HPSE2: variants seen among roughly 807,000 people sequenced by gnomAD.
The protein encoded by HPSE2 is heparanase 2 (inactive), also known as inactive heparanase-2.
HPSE2 carries 38 observed loss-of-function variants against 60.5 expected under a neutral mutation model. That is an observed-to-expected ratio of 0.63 (90% CI 0.48 to 0.82). HPSE2 has a LOEUF of 0.82. Among genes scored for constraint, HPSE2 ranks in the 40% least tolerant of loss-of-function variants. The probability of loss-of-function intolerance (pLI) is 0.00; values close to 1 mark genes in which losing one functional copy is unlikely to be tolerated. For missense variants in HPSE2, 713 were observed against 740.4 expected (o/e 0.96, Z 0.43); for synonymous variants, 295 against 293.2 (o/e 1.01, Z -0.06).
chr10:98,803,057 T>C (rs1158557407), intron 3 of HPSE2, among the ~76,000 whole-genome samples: 1 of 151,168 alleles, frequency 6.6e-6, no homozygotes, highest in African/African-American at 2.4e-5. Flanking sequence ...TGATTTGCAT[T>C]TCTCTGATGG....
In HPSE2 at chr10:98,537,639, T is replaced by C. The variant is rs190470334; in HGVS notation, c.1321-47443A>G. On this transcript the variant is annotated intron_variant, in intron 9 of 11. Coordinates refer to ENST00000370552, the MANE Select transcript of HPSE2 (RefSeq NM_021828.5). ...AGGTGAGCCTTCTGTCACGCCCGCA[T>C]AAGGGCCGCTTGAGGGCTCCTTGGT... Among the ~76,000 whole-genome samples, 19 of 152,338 alleles carry C rather than the reference T, an allele frequency of 1.2e-4. No individual in the cohort carries two copies. In the East Asian group the frequency reaches 3.3e-3, roughly 26 times the overall value.
intron 3 of HPSE2, among the ~76,000 whole-genome samples, chr10:98,851,599 TTTC>T (rs1952175412): frequency 6.6e-6 from 1 of 152,220 alleles, no homozygotes; most frequent in South Asian, 2.1e-4. Flanking sequence ...GTCTTCTTTC[TTTC>T]CCAGATTCCT....
intron 3 of HPSE2, among the ~76,000 whole-genome samples, chr10:98,767,215 A>C (rs1381729545): frequency 1.3e-5 from 2 of 152,186 alleles, no homozygotes; most frequent in African/African-American, 4.8e-5. Context: ...AGACAAGAAC[A>C]AGAATTTTGA....
chr10:98,758,175 T>C (rs999649083), intron 3 of HPSE2, among the ~76,000 whole-genome samples: 13 of 151,390 alleles, frequency 8.6e-5, no homozygotes, highest in Middle Eastern at 3.4e-3. Context: ...TTCCACCATA[T>C]AAAAAATCAA....
At chr10:99,026,890 T>A (rs1589538401) in intron 3 of HPSE2, among the ~76,000 whole-genome samples, 1 of 152,022 alleles carries the variant, frequency 6.6e-6, no homozygotes, top group African/African-American at 2.4e-5. Flanking sequence ...AGTAAAGAAA[T>A]TAAGAATAAA....
At chr10:98,958,473 T>C (rs978175967) in intron 3 of HPSE2, among the ~76,000 whole-genome samples, 2 of 152,172 alleles carry the variant, frequency 1.3e-5, no homozygotes, top group African/African-American at 2.4e-5. Flanking sequence ...ATGATTATTA[T>C]GCATGCTATC....
chr10:98,590,214 A>G (rs1472147542), intron 9 of HPSE2, among the ~76,000 whole-genome samples: 1 of 152,244 alleles, frequency 6.6e-6, no homozygotes, highest in Non-Finnish European at 1.5e-5. Flanking sequence ...AGGCCGAGGC[A>G]GGTGGATCAC....
chr10:99,114,384 A>T (rs770274487), intron 3 of HPSE2, among the ~76,000 whole-genome samples: 22 of 152,236 alleles, frequency 1.4e-4, no homozygotes, highest in Non-Finnish European at 3.1e-4. Context: ...AACCTCTAAG[A>T]AACTGCTTCT....
chr10:98,610,411 C>T (rs896892913), intron 9 of HPSE2, among the ~76,000 whole-genome samples: 12 of 152,148 alleles, frequency 7.9e-5, no homozygotes, highest in African/African-American at 2.2e-4. Flanking sequence ...ATCTGAACAG[C>T]GATGGCTTGG....
chr10:98,945,720 C>A (rs1037634120), intron 3 of HPSE2, among the ~76,000 whole-genome samples: 3 of 152,070 alleles, frequency 2.0e-5, no homozygotes, highest in African/African-American at 7.2e-5. Flanking sequence ...TAATTACTTT[C>A]TTTTCAAAGT....
At chr10:98,517,261 T>C (rs1165409605) in intron 9 of HPSE2, among the ~76,000 whole-genome samples, 1 of 152,076 alleles carries the variant, frequency 6.6e-6, no homozygotes, top group African/African-American at 2.4e-5. Context: ...TCCTGTCCTA[T>C]GTCAGTAGCA....
chr10:98,625,845 G>A (rs1946192938), intron 7 of HPSE2, among the ~76,000 whole-genome samples: 1 of 152,202 alleles, frequency 6.6e-6, no homozygotes, highest in Admixed American at 6.5e-5. Context: ...GCTCACACCT[G>A]TAATCCCAGC....
chr10:98,790,653 AT>A (rs11351908), intron 3 of HPSE2, among the ~76,000 whole-genome samples: 1,630 of 152,348 alleles, frequency 0.011, 40 homozygotes, highest in African/African-American at 0.037. Context: ...CCACAAAAAA[AT>A]CATAAGTTGA....
intron 3 of HPSE2, among the ~76,000 whole-genome samples, chr10:98,981,739 A>G (rs1956211477): frequency 6.6e-6 from 1 of 151,996 alleles, no homozygotes; most frequent in African/African-American, 2.4e-5. Context: ...ACCCCTCAAT[A>G]TATCTAAAAC....
intron 9 of HPSE2, among the ~76,000 whole-genome samples, chr10:98,507,388 A>G (rs1021407148): frequency 6.6e-6 from 1 of 152,222 alleles, no homozygotes; most frequent in Non-Finnish European, 1.5e-5. Context: ...TCCTTTAGGA[A>G]GACGACGTTA....
chr10:98,792,573 A>G (rs1217888586), intron 3 of HPSE2, among the ~76,000 whole-genome samples: 1 of 151,990 alleles, frequency 6.6e-6, no homozygotes, highest in East Asian at 1.9e-4. Context: ...TCATGTCTGC[A>G]AAGTGTGGTT....
rs543640429 is a variant in HPSE2 at position 99,044,914 on chromosome 10, T to C, written c.610+99324A>G. On this transcript the variant is annotated intron_variant, in intron 3 of 11. Coordinates refer to ENST00000370552, the MANE Select transcript of HPSE2 (RefSeq NM_021828.5). ...AAGACTTAAGACAACCACACAACAA[T>C]AGTGGGAGACTTCAACACCTCACTG... 1.7e-4 allele frequency among the ~76,000 whole-genome samples: 26 copies of C among 152,172 alleles called. 1 individual carries two copies. The highest frequency in any genetic ancestry group is 5.5e-4 in the African/African-American group (23 of 41,524).
At chr10:98,630,183 GTTTTTTTTTTTGT>G (rs1160460615) in intron 7 of HPSE2, among the ~76,000 whole-genome samples, 2 of 129,928 alleles carry the variant, frequency 1.5e-5, no homozygotes, top group Admixed American at 7.7e-5. Flanking sequence ...CGAAGCAATC[GTTTTTTTTTTTGT>G]TTTTTTTTTT....
intron 2 of HPSE2, among the ~76,000 whole-genome samples, chr10:99,184,829 G>T (rs372833635): frequency 0.36 from 15,868 of 44,378 alleles, 4,792 homozygotes; most frequent in Non-Finnish European, 0.63. Context: ...TAGAGAGAGA[G>T]AGAGAGAGAG....
Sources: allele counts gnomAD v4.1 joint callset (sites outside exome capture counted in the v4.1 genomes callset), GRCh38; gene constraint gnomAD v4.1.1; transcripts MANE v1.5; gene names NCBI Gene and HGNC (gene_info 2026-07-23, HGNC 2026-07-21).